SLC6A18: variants seen among roughly 807,000 people sequenced by gnomAD.
The protein encoded by SLC6A18 is inactive sodium-dependent neutral amino acid transporter B(0)AT3.
SLC6A18 carries 58 observed loss-of-function variants against 62.9 expected under a neutral mutation model. The ratio of observed to expected loss-of-function variants is 0.92; its 90% CI spans 0.75 to 1.15. The LOEUF is 1.15. Among genes scored for constraint, SLC6A18 ranks in the 50% most tolerant of loss-of-function variants. SLC6A18 has a pLI of 0.00. For missense variants in SLC6A18, 793 were observed against 836.6 expected, an observed-to-expected ratio of 0.95 and a Z score of 0.64; for synonymous variants, 382 against 365.8, an observed-to-expected ratio of 1.04 and a Z score of -0.51.
rs1391925538 is a variant in SLC6A18, at chr5:1,244,342, G to A, written c.1465G>A (p.Val489Met). The change falls in exon 10 of 12, where the codon GTG becomes ATG. Residue 489 changes from valine to methionine, a missense_variant. Transcript: ENST00000324642. ...GCTCATGTTGGCCTTTCTCGAGGTT[G>A]TGGGTGTCGTTTATGTTTATGGAAT... The part of the protein sequence containing the change: ...NLLMLAFLEV[V>M]GVVYVYGMKR... The A allele has an allele frequency of 3.1e-6, 5 of 1,614,052 alleles. No homozygotes were observed. In the South Asian group the frequency reaches 4.4e-5, roughly 14 times the overall value.
intron 5 of SLC6A18, among the ~76,000 whole-genome samples, chr5:1,238,914 A>C (rs1196680442): frequency 6.6e-6 from 1 of 152,190 alleles, no homozygotes; most frequent in African/African-American, 2.4e-5. Flanking sequence ...AGCATTCTGT[A>C]CTATCCCAGA....
chr5:1,238,163 C>T, intron 5 of SLC6A18, 103 bp downstream of exon 5: 1 of 924,322 alleles, frequency 1.1e-6, no homozygotes, highest in African/African-American at 1.6e-5. Context: ...GGCCAGGAGC[C>T]ACTCCAGCAG....
At chr5:1,239,719 G>T (rs1747004032) in intron 6 of SLC6A18, among the ~76,000 whole-genome samples, 157 bp downstream of exon 6, 1 of 152,136 alleles carries the variant, frequency 6.6e-6, no homozygotes, top group East Asian at 1.9e-4. Context: ...GCAGCTCCCA[G>T]CACGTCCGGA....
chr5:1,246,143 GCCCCGCCCACAGGGCCGA>G lies in SLC6A18; in HGVS notation c.*70_*87del. ...GGGGCTTGGCCTGATGGTGGGCGGG[GCCCCGCCCACAGGGCCGA>G]CCCCAATACACCAGCGACTCAACCT... On this transcript the variant is annotated 3_prime_UTR_variant, in exon 12 of 12. Transcript: ENST00000324642. The G allele has an allele frequency of 7.0e-7, 1 of 1,438,458 alleles. No individual in the cohort carries two copies. The highest frequency in any genetic ancestry group is 9.1e-7 in the Non-Finnish European group (1 of 1,094,914). The allele number at this position is 1,438,458 out of a possible 1,614,324, so 89.1% of individuals were successfully genotyped here.
chr5:1,233,153 G>A (rs1156671427), intron 3 of SLC6A18, among the ~76,000 whole-genome samples: 2 of 152,222 alleles, frequency 1.3e-5, no homozygotes, highest in East Asian at 1.9e-4. Flanking sequence ...TGTGCATGGC[G>A]TGGTCATGCG....
At chr5:1,245,736 C>T in intron 11 of SLC6A18, 112 bp from the exon 12 acceptor site, 2 of 1,176,830 alleles carry the variant, frequency 1.7e-6, no homozygotes, top group South Asian at 3.2e-5. Context: ...TTTTCCATTC[C>T]CATCCAAGTC....
intron 1 of SLC6A18, among the ~76,000 whole-genome samples, chr5:1,228,672 C>T (rs1002771444): frequency 1.3e-5 from 2 of 152,330 alleles, no homozygotes; most frequent in African/African-American, 4.8e-5. Context: ...AAACTAGGAG[C>T]TGCAGCCTGG....
chr5:1,242,935 C>A, intron 8 of SLC6A18, 72 bp downstream of exon 8: 1 of 1,470,702 alleles, frequency 6.8e-7, no homozygotes, highest in Non-Finnish European at 9.2e-7. Flanking sequence ...TGGCTGTGTC[C>A]CACTGCCAAA....
At chr5:1,237,829 C>A in intron 4 of SLC6A18, 121 bp from the exon 5 acceptor site, 1 of 747,006 alleles carries the variant, frequency 1.3e-6, no homozygotes, top group Non-Finnish European at 2.3e-6. Flanking sequence ...CCTGGTCAAT[C>A]CCATACCAGA....
intron 1 of SLC6A18, among the ~76,000 whole-genome samples, chr5:1,227,225 A>G (rs547740654): frequency 1.3e-5 from 2 of 152,022 alleles, no homozygotes; most frequent in African/African-American, 4.8e-5. Context: ...CCTGCAGTGT[A>G]CTGGAAGTGT....
Position 1,243,242 on chromosome 5 carries a change from G to A in SLC6A18, c.1132-313G>A, listed in dbSNP as rs1294123595. 6.6e-6 allele frequency among the ~76,000 whole-genome samples: 1 copy of A among 152,182 alleles called. No homozygotes were observed. The highest frequency in any genetic ancestry group is 2.4e-5 in the African/African-American group (1 of 41,440). The stretch of plus-strand genomic sequence containing the variant: ...GCCTGGACCTAGGGGCACCAGGCAG[G>A]GGGGCACAGCCAGGAGGCAGGTGTG... On this transcript the variant is annotated intron_variant, in intron 8 of 11. Coordinates refer to ENST00000324642, the MANE Select transcript of SLC6A18 (RefSeq NM_182632.3). This position sits in a 1 kb window ranked among gnomAD's most constrained non-coding sequence, Gnocchi z 6.5.
intron 3 of SLC6A18, among the ~76,000 whole-genome samples, chr5:1,233,206 C>T (rs543615114): frequency 1.8e-4 from 28 of 152,288 alleles, no homozygotes; most frequent in South Asian, 1.5e-3. Flanking sequence ...GGTCGGACGC[C>T]GTGGCTCACG....
chr5:1,232,967 C>T, intron 3 of SLC6A18, 79 bp downstream of exon 3: 1 of 1,525,270 alleles, frequency 6.6e-7, no homozygotes, highest in Non-Finnish European at 8.8e-7. Context: ...AGCATCAGAG[C>T]AGCTGCGGGT....
intron 1 of SLC6A18, among the ~76,000 whole-genome samples, chr5:1,229,750 G>T (rs1746674535): frequency 6.6e-6 from 1 of 151,882 alleles, no homozygotes; most frequent in Admixed American, 6.6e-5. Flanking sequence ...CTGGAGGTCG[G>T]GGGGAAGAAG....
rs1747070115 is a variant in SLC6A18 at position 1,241,871 on chromosome 5, C to T, written c.975-836C>T. On this transcript the variant is annotated intron_variant, in intron 7 of 11. Transcript: ENST00000324642. The surrounding 1 kb of genome is among the most constrained non-coding windows in gnomAD (Gnocchi z 7.8). Reference sequence around the variant, plus strand: ...ATAAGGACCAGCCGTGCGCACAACGCCCTGCGCCGTGCAGCCCAAGCTGGC... The same window carrying T: ...ATAAGGACCAGCCGTGCGCACAACGTCCTGCGCCGTGCAGCCCAAGCTGGC... Among the ~76,000 whole-genome samples, 1 of 152,178 alleles carries T rather than the reference C, an allele frequency of 6.6e-6. No individual in the cohort carries two copies. Among genetic ancestry groups the T allele is most frequent in the Non-Finnish European group, 1.5e-5 (1 of 68,054 alleles).
intron 3 of SLC6A18, among the ~76,000 whole-genome samples, chr5:1,234,369 GC>G (rs1295959851): frequency 4.6e-5 from 7 of 152,188 alleles, no homozygotes; most frequent in Non-Finnish European, 1.0e-4. Context: ...CCCTGGCTGT[GC>G]CATCAGCCTC....
chr5:1,232,287 G>A lies in SLC6A18; in HGVS notation c.229G>A (p.Ala77Thr), dbSNP rs146563877. 60 of 1,612,620 alleles carry A rather than the reference G, an allele frequency of 3.7e-5. No homozygotes were observed. Among genetic ancestry groups the A allele is most frequent in the African/African-American group, 1.1e-4 (8 of 74,936 alleles). The change falls in exon 2 of 12, where the codon GCC becomes ACC. Residue 77 changes from alanine to threonine, a missense_variant. Transcript: ENST00000324642. ...GATCCCCATTTTCCACGTCGAGCTC[G>A]CCATCGGCCAGCGGCTGCGGAAGGG... ...EGIPIFHVEL[A>T]IGQRLRKGSV...
At chr5:1,245,530 G>A (rs1747195323) in intron 11 of SLC6A18, among the ~76,000 whole-genome samples, 1 of 152,204 alleles carries the variant, frequency 6.6e-6, no homozygotes, top group Non-Finnish European at 1.5e-5. Flanking sequence ...GTATAGGGGA[G>A]AAAGCTGGGG....
chr5:1,244,003 G>A (rs1328786130), intron 9 of SLC6A18, among the ~76,000 whole-genome samples: 1 of 152,134 alleles, frequency 6.6e-6, no homozygotes, highest in Admixed American at 6.5e-5. Context: ...GAGCAGGAAA[G>A]CAGGTCCTTC....
Sources: allele counts gnomAD v4.1 joint callset (sites outside exome capture counted in the v4.1 genomes callset), GRCh38; gene constraint gnomAD v4.1.1; non-coding constraint Gnocchi (gnomAD v3.1); transcripts MANE v1.5; gene names NCBI Gene and HGNC (gene_info 2026-07-23, HGNC 2026-07-21).